The following ZNF804B variants were observed in gnomAD, a reference collection of about 807,000 sequenced individuals.
The protein encoded by ZNF804B is zinc finger 804B.
ZNF804B carries 80 observed loss-of-function variants against 101.4 expected under a neutral mutation model. That is an observed-to-expected ratio of 0.79 (90% CI 0.66 to 0.95). The LOEUF is 0.95. Among genes scored for constraint, ZNF804B ranks in the 40% least tolerant of loss-of-function variants. The pLI is 0.00. For synonymous variants in ZNF804B, 622 were observed against 558.8 expected (o/e 1.11, Z -1.59); for missense variants, 1,673 against 1,561.9 (o/e 1.07, Z -1.20).
intron 1 of ZNF804B, among the ~76,000 whole-genome samples, chr7:88,886,415 C>T (rs1352491065): frequency 6.6e-6 from 1 of 152,132 alleles, no homozygotes; most frequent in East Asian, 1.9e-4. Flanking sequence ...ATGAGTTTAC[C>T]TATGTAACGA....
At chr7:89,244,260 T>G (rs1584079081) in intron 2 of ZNF804B, among the ~76,000 whole-genome samples, 1 of 152,090 alleles carries the variant, frequency 6.6e-6, no homozygotes, top group Non-Finnish European at 1.5e-5. Context: ...ATACAGCTTA[T>G]GACAAAGAAT....
At chr7:89,294,558 CT>C (rs561100652) in intron 2 of ZNF804B, among the ~76,000 whole-genome samples, 3 of 151,000 alleles carry the variant, frequency 2.0e-5, no homozygotes, top group East Asian at 1.9e-4. Flanking sequence ...TCTCTTGTTA[CT>C]TTTTTTTTAA....
intron 1 of ZNF804B, among the ~76,000 whole-genome samples, chr7:88,909,113 T>C (rs1792513010): frequency 6.6e-6 from 1 of 151,802 alleles, no homozygotes; most frequent in Non-Finnish European, 1.5e-5. Flanking sequence ...ATGGCAGATA[T>C]TGGTGCATAT....
rs759891426 is a variant in ZNF804B at position 89,335,856 on chromosome 7, T to A, written c.2874T>A (p.Pro958=). The A allele has an allele frequency of 6.2e-7, 1 of 1,614,102 alleles. No homozygotes were observed. The highest frequency in any genetic ancestry group is 8.5e-7 in the Non-Finnish European group (1 of 1,179,990). Residue 958 remains proline (P), a synonymous_variant, in exon 4 of 4, where the codon CCT becomes CCA. Coordinates refer to ENST00000333190, the MANE Select transcript of ZNF804B (RefSeq NM_181646.5). ...GTTGTAAAAGTGAATTAGAGGCTCC[T>A]TCGCAAGTCCCATGCACAATTCAAC... The part of the protein sequence containing the change: ...SNSCKSELEA[P]SQVPCTIQLA...
chr7:89,130,953 G>T (rs1790537675), intron 1 of ZNF804B, among the ~76,000 whole-genome samples: 1 of 151,920 alleles, frequency 6.6e-6, no homozygotes, highest in Non-Finnish European at 1.5e-5. Context: ...TCTTTTATTA[G>T]TTTTGTGTAA....
intron 2 of ZNF804B, among the ~76,000 whole-genome samples, chr7:89,298,907 GA>G (rs1051000847): frequency 5.4e-5 from 8 of 149,318 alleles, no homozygotes; most frequent in Non-Finnish European, 1.0e-4. Context: ...GGATCGATGT[GA>G]AAAAAAAAAT....
chr7:89,090,939 T>G (rs2116325349), intron 1 of ZNF804B, among the ~76,000 whole-genome samples: 1 of 152,084 alleles, frequency 6.6e-6, no homozygotes, highest in African/African-American at 2.4e-5. Flanking sequence ...CACACGTAAT[T>G]AAAAATAAAG....
At chr7:89,157,708 A>T (rs1023470027) in intron 1 of ZNF804B, among the ~76,000 whole-genome samples, 1 of 152,142 alleles carries the variant, frequency 6.6e-6, no homozygotes, top group South Asian at 2.1e-4. Context: ...AATCTTTTCT[A>T]GTGTCTAGTT....
chr7:88,827,006 CAG>C (rs1791059782), intron 1 of ZNF804B, among the ~76,000 whole-genome samples: 1 of 151,960 alleles, frequency 6.6e-6, no homozygotes, highest in Non-Finnish European at 1.5e-5. Flanking sequence ...AGCAGCAAAA[CAG>C]AAAATAATTT....
intron 1 of ZNF804B, among the ~76,000 whole-genome samples, chr7:89,175,952 T>G (rs192928431): frequency 6.6e-6 from 1 of 152,042 alleles, no homozygotes; most frequent in Non-Finnish European, 1.5e-5. Context: ...GTTCTAATAG[T>G]TTCTGGTAGA....
chr7:88,865,228 CAAA>C lies in ZNF804B; in HGVS notation c.108+105161_108+105163del, dbSNP rs10706264. Among the ~76,000 whole-genome samples the C allele has an allele frequency of 5.2e-3, 597 of 115,776 alleles. 4 individuals carry two copies. Among genetic ancestry groups the C allele is most frequent in the African/African-American group, 0.017 (547 of 32,834 alleles). The allele number at this position is 115,776 out of a possible 152,430, so 76.0% of individuals were successfully genotyped here. On this transcript the variant is annotated intron_variant, in intron 1 of 3. Coordinates refer to ENST00000333190, the MANE Select transcript of ZNF804B (RefSeq NM_181646.5). ...GAGCAACAAGAGCAAGACTTCGTAT[CAAA>C]AAAAAAAAAAAAAAAATAGACCAGT...
In ZNF804B at chr7:89,333,787, G is replaced by T; in HGVS notation, c.805G>T (p.Ala269Ser). 6 of 1,613,358 alleles carry T rather than the reference G, an allele frequency of 3.7e-6. No individual in the cohort carries two copies. The highest frequency in any genetic ancestry group is 5.1e-6 in the Non-Finnish European group (6 of 1,179,680). The change falls in exon 4 of 4, where the codon GCA (alanine) becomes TCA (serine). Residue 269 changes from alanine (A) to serine (S), a missense_variant. Coordinates refer to ENST00000333190, the MANE Select transcript of ZNF804B (RefSeq NM_181646.5). ...AGATAAGTGCAAGTGCTGCAGGTTT[G>T]CAAATAAAGATACACACCTTACCAA... ...TADKCKCCRF[A>S]NKDTHLTKEK...
chr7:89,331,337 C>T (rs187973411), intron 3 of ZNF804B, among the ~76,000 whole-genome samples: 1 of 151,818 alleles, frequency 6.6e-6, no homozygotes, highest in East Asian at 1.9e-4. Context: ...AATAAAGTCT[C>T]TACGCTCCTT....
chr7:89,103,084 A>C (rs1455051442), intron 1 of ZNF804B, among the ~76,000 whole-genome samples: 5 of 38,620 alleles, frequency 1.3e-4, no homozygotes, highest in Non-Finnish European at 1.8e-4. Flanking sequence ...TTTTTTTTTT[A>C]CCAATACTGT....
chr7:89,204,584 A>C (rs1562915030), intron 1 of ZNF804B, among the ~76,000 whole-genome samples: 2 of 152,098 alleles, frequency 1.3e-5, no homozygotes, highest in Non-Finnish European at 1.5e-5. Flanking sequence ...GGTTGGTCTC[A>C]TGGGATATGA....
chr7:88,849,235 T>C (rs1414383670), intron 1 of ZNF804B, among the ~76,000 whole-genome samples: 1 of 152,182 alleles, frequency 6.6e-6, no homozygotes, highest in Non-Finnish European at 1.5e-5. Flanking sequence ...TCTCCAATTT[T>C]ATTTTTCCAT....
At position 89,336,392 on chromosome 7, in the gene ZNF804B, A is replaced by AATCT; in HGVS notation, c.3415_3418dup (p.Ser1140TyrfsTer15). 1 of 1,614,020 alleles carries AATCT rather than the reference A, an allele frequency of 6.2e-7. No individual in the cohort carries two copies. Among genetic ancestry groups the AATCT allele is most frequent in the Non-Finnish European group, 8.5e-7 (1 of 1,179,976 alleles). On this transcript the variant is annotated frameshift_variant, in exon 4 of 4. Coordinates refer to ENST00000333190, the MANE Select transcript of ZNF804B (RefSeq NM_181646.5). LOFTEE classifies it high-confidence loss of function. The stretch of plus-strand genomic sequence containing the variant: ...GAAGACGGATTAGAAATGTGTCATA[A>AATCT]ATCTATCTCTCCCCCTTTAATTCAA...
intron 1 of ZNF804B, among the ~76,000 whole-genome samples, chr7:89,069,939 G>T (rs1275470399): frequency 6.6e-6 from 1 of 152,136 alleles, no homozygotes; most frequent in Non-Finnish European, 1.5e-5. Context: ...CAAGATGCCT[G>T]CTACAAACTT....
intron 1 of ZNF804B, among the ~76,000 whole-genome samples, chr7:89,208,081 G>T (rs1468537577): frequency 1.3e-4 from 17 of 135,452 alleles, no homozygotes; most frequent in Non-Finnish European, 2.2e-4. Context: ...TATTTTATTG[G>T]GTTTTTTTTT....
Sources: gnomAD v4.1 joint callset for allele counts (sites outside exome capture counted in the v4.1 genomes callset) on GRCh38, gnomAD v4.1.1 for gene constraint, MANE v1.5 for transcripts, NCBI Gene and HGNC (gene_info 2026-07-23, HGNC 2026-07-21) for gene names.